SPOCK1: variants seen among roughly 807,000 people sequenced by gnomAD.
SPOCK1 encodes SPARC (osteonectin), cwcv and kazal like domains proteoglycan 1, also known as testican-1.
In SPOCK1, 23 loss-of-function variants were observed where a neutral mutation model predicts 55.3. That is an observed-to-expected ratio of 0.42 (90% CI 0.30 to 0.59). The LOEUF (loss-of-function observed/expected upper bound fraction) is 0.59. SPOCK1 is among the 20% of genes least tolerant of loss of function. The pLI, the probability that SPOCK1 is intolerant of heterozygous loss-of-function variation, is 0.22. For synonymous variants in SPOCK1, 226 were observed against 221.0 expected (o/e 1.02, Z -0.20); for missense variants, 499 against 552.5 (o/e 0.90, Z 0.97).
At chr5:137,019,618 G>A (rs368096680) in intron 6 of SPOCK1, among the ~76,000 whole-genome samples, 2 of 152,086 alleles carry the variant, frequency 1.3e-5, no homozygotes, top group East Asian at 3.9e-4. Context: ...TTCAATGATT[G>A]CTATTTGCCA....
chr5:137,148,583 G>A (rs58392854), intron 3 of SPOCK1, among the ~76,000 whole-genome samples: 35,567 of 152,062 alleles, frequency 0.23, 4,516 homozygotes, highest in Non-Finnish European at 0.28. Flanking sequence ...AAGGAAAGGG[G>A]GAATTAAATA....
chr5:137,444,332 T>C lies in SPOCK1; in HGVS notation c.186+54041A>G, dbSNP rs146832712. ...CACCCTGGCTCCTCCACTCCCACCC[T>C]CTCAAGTGCCTGAGCATGCATCATA... is the stretch of plus-strand genomic sequence containing the variant. On this transcript the variant is annotated intron_variant, in intron 2 of 10. Transcript: ENST00000394945. Among the ~76,000 whole-genome samples, 12 of 152,236 alleles carry C rather than the reference T, an allele frequency of 7.9e-5. No homozygotes were observed. The East Asian group carries it at 2.1e-3, about 27-fold the overall frequency.
intron 4 of SPOCK1, among the ~76,000 whole-genome samples, chr5:137,139,445 C>T (rs1754049642): frequency 6.6e-6 from 1 of 152,030 alleles, no homozygotes; most frequent in Non-Finnish European, 1.5e-5. Context: ...AACATACCCC[C>T]AGAGGAACAG....
At chr5:137,008,331 A>ACACACAC (rs760277889) in intron 6 of SPOCK1, among the ~76,000 whole-genome samples, 138 of 74,662 alleles carry the variant, frequency 1.8e-3, no homozygotes, top group Admixed American at 7.2e-3. Context: ...CACACACACA[A>ACACACAC]TCAACACAGT....
At chr5:137,464,890 G>C (rs1334916763) in intron 2 of SPOCK1, among the ~76,000 whole-genome samples, 1 of 152,186 alleles carries the variant, frequency 6.6e-6, no homozygotes, top group African/African-American at 2.4e-5. Flanking sequence ...AATTATCCAG[G>C]AGAGATTAGT....
At chr5:137,463,110 A>T (rs1753523593) in intron 2 of SPOCK1, among the ~76,000 whole-genome samples, 1 of 152,232 alleles carries the variant, frequency 6.6e-6, no homozygotes, top group Non-Finnish European at 1.5e-5. Context: ...TTTAGGTTTC[A>T]GAAATATGGA....
At chr5:137,336,913 G>C (rs1414295356) in intron 2 of SPOCK1, among the ~76,000 whole-genome samples, 4 of 152,158 alleles carry the variant, frequency 2.6e-5, no homozygotes, top group African/African-American at 9.7e-5. Context: ...TCCTAGGGCA[G>C]GTGTCCAGGC....
At chr5:137,002,954 G>A (rs935947956) in intron 6 of SPOCK1, among the ~76,000 whole-genome samples, 14 of 152,202 alleles carry the variant, frequency 9.2e-5, no homozygotes, top group African/African-American at 3.4e-4. Context: ...CTTCCTGGAG[G>A]AGGCAAGAAT....
At chr5:137,220,175 T>G (rs1755817794) in intron 3 of SPOCK1, among the ~76,000 whole-genome samples, 1 of 152,144 alleles carries the variant, frequency 6.6e-6, no homozygotes, top group Non-Finnish European at 1.5e-5. Flanking sequence ...GACAGAGCAG[T>G]GCAGAACAAA....
chr5:137,032,069 A>C (rs1751792223), intron 6 of SPOCK1, among the ~76,000 whole-genome samples: 1 of 148,900 alleles, frequency 6.7e-6, no homozygotes, highest in Non-Finnish European at 1.5e-5. Flanking sequence ...AATATATAAT[A>C]TATACATATT....
Position 137,131,950 on chromosome 5 carries a change from C to A in SPOCK1, c.347+8630G>T, listed in dbSNP as rs536520953. Among the ~76,000 whole-genome samples, 54 of 102,510 alleles carry A rather than the reference C, an allele frequency of 5.3e-4. No individual in the cohort carries two copies. The East Asian group carries it at 0.013, about 24-fold the overall frequency. The allele number at this position is 102,510 out of a possible 152,430, so 67.3% of individuals were successfully genotyped here. ...TCGCGCCACTGCACTCCAGCCTGGG[C>A]GACAGAGCGAGACTCCGTCTCAAAA... On this transcript the variant is annotated intron_variant, in intron 4 of 10. Coordinates refer to ENST00000394945, the MANE Select transcript of SPOCK1 (RefSeq NM_004598.4).
chr5:137,336,914 G>A (rs879795731), intron 2 of SPOCK1, among the ~76,000 whole-genome samples: 6 of 152,170 alleles, frequency 3.9e-5, no homozygotes, highest in Admixed American at 3.9e-4. Flanking sequence ...CCTAGGGCAG[G>A]TGTCCAGGCT....
At chr5:137,173,940 AT>A (rs762396769) in intron 3 of SPOCK1, among the ~76,000 whole-genome samples, 3 of 152,186 alleles carry the variant, frequency 2.0e-5, no homozygotes, top group Non-Finnish European at 2.9e-5. Flanking sequence ...TGTAATTACC[AT>A]TTTATAATAA....
intron 4 of SPOCK1, among the ~76,000 whole-genome samples, chr5:137,124,682 AG>A (rs1753747788): frequency 6.6e-6 from 1 of 152,176 alleles, no homozygotes; most frequent in African/African-American, 2.4e-5. Flanking sequence ...GGCAGATCCA[AG>A]GCCATTCTGC....
chr5:137,238,266 T>C (rs1445850733), intron 3 of SPOCK1, among the ~76,000 whole-genome samples: 3 of 152,214 alleles, frequency 2.0e-5, no homozygotes, highest in Non-Finnish European at 4.4e-5. Flanking sequence ...TTTTGCATAA[T>C]ATGCCTCCCC....
intron 3 of SPOCK1, among the ~76,000 whole-genome samples, chr5:137,236,158 C>T (rs1268114734): frequency 1.3e-5 from 2 of 152,256 alleles, no homozygotes; most frequent in Non-Finnish European, 2.9e-5. Context: ...CCTGAGCCAC[C>T]TTCCATGACT....
chr5:137,067,939 G>C (rs1752542061), intron 5 of SPOCK1, 110 bp from the exon 6 acceptor site: 3 of 822,020 alleles, frequency 3.6e-6, no homozygotes, highest in African/African-American at 3.4e-5. Flanking sequence ...AGACAAAGCA[G>C]GGAGAGGTCG....
intron 2 of SPOCK1, among the ~76,000 whole-genome samples, chr5:137,369,628 A>G (rs893992264): frequency 6.6e-6 from 1 of 152,206 alleles, no homozygotes; most frequent in Non-Finnish European, 1.5e-5. Context: ...GTAACAAAAT[A>G]CATTAGAGTG....
intron 6 of SPOCK1, among the ~76,000 whole-genome samples, chr5:137,033,714 A>G (rs996374217): frequency 5.9e-5 from 9 of 152,172 alleles, no homozygotes; most frequent in Non-Finnish European, 1.2e-4. Flanking sequence ...CTTCTCTTTC[A>G]TGGTACCTTG....
Sources: allele counts gnomAD v4.1 joint callset (sites outside exome capture counted in the v4.1 genomes callset), GRCh38; gene constraint gnomAD v4.1.1; transcripts MANE v1.5; gene names NCBI Gene and HGNC (gene_info 2026-07-23, HGNC 2026-07-21).